Variants in PLEKHA6 observed in about 807,000 individuals in gnomAD.
The protein encoded by PLEKHA6 is pleckstrin homology domain containing A6.
PLEKHA6 carries 60 observed loss-of-function variants against 116.7 expected under a neutral mutation model. The observed-to-expected ratio is 0.51, with a 90% CI of 0.42 to 0.64. The LOEUF (loss-of-function observed/expected upper bound fraction) is 0.64, where lower values mean the gene tolerates loss of function less well. PLEKHA6 is among the 30% of genes least tolerant of loss of function. The probability of loss-of-function intolerance (pLI) is 0.00; values close to 1 mark genes in which losing one functional copy is unlikely to be tolerated. For missense variants in PLEKHA6, 1,338 were observed against 1,422.7 expected (o/e 0.94, Z 0.96); for synonymous variants, 489 against 556.1 (o/e 0.88, Z 1.70).
At chr1:204,364,579 G>T (rs1398529361), upstream of PLEKHA6, among the ~76,000 whole-genome samples, 1 of 152,210 alleles carries the variant, frequency 6.6e-6, no homozygotes, top group Non-Finnish European at 1.5e-5. Context: ...TAGAGTGGCG[G>T]CTGCTGCTAT....
chr1:204,302,578 C>T (rs1379947418), intron 1 of PLEKHA6, among the ~76,000 whole-genome samples: 1 of 152,184 alleles, frequency 6.6e-6, no homozygotes, highest in East Asian at 1.9e-4. Flanking sequence ...CAGAGGTGGG[C>T]TAAGAAAACC....
intron 1 of PLEKHA6, among the ~76,000 whole-genome samples, chr1:204,347,576 G>T: frequency 6.6e-6 from 1 of 151,596 alleles, no homozygotes; most frequent in Non-Finnish European, 1.5e-5. Context: ...AATCACAAGG[G>T]TATTGATTGG....
At chr1:204,252,083 C>T (rs781016412) in intron 9 of PLEKHA6, among the ~76,000 whole-genome samples, 1 of 151,534 alleles carries the variant, frequency 6.6e-6, no homozygotes, top group Non-Finnish European at 1.5e-5. Flanking sequence ...AGGCCTGCCC[C>T]CTCTCCCTGC....
rs148050928 is a variant in PLEKHA6, at chr1:204,312,380, A to T, written c.-94-37571T>A. On this transcript the variant is annotated intron_variant, in intron 1 of 22. Coordinates refer to ENST00000272203, the MANE Select transcript of PLEKHA6 (RefSeq NM_014935.5). ...TTCAGGCCTTCCTGGGATGGAGGAA[A>T]CAAGAGCAAAACCATTCAAAGCATC... Among the ~76,000 whole-genome samples the T allele has an allele frequency of 6.8e-3, 1,042 of 152,312 alleles. 9 individuals carry two copies. The highest frequency in any genetic ancestry group is 0.011 in the Non-Finnish European group (726 of 68,022).
chr1:204,239,292 A>G (rs1662479553), intron 17 of PLEKHA6, among the ~76,000 whole-genome samples: 2 of 152,212 alleles, frequency 1.3e-5, no homozygotes, highest in South Asian at 4.1e-4. Flanking sequence ...TGTCCTGGCT[A>G]TGGCCACTGC....
At chr1:204,267,662 G>A (rs951235901) in intron 4 of PLEKHA6, 115 bp from the exon 5 acceptor site, 35 of 860,372 alleles carry the variant, frequency 4.1e-5, no homozygotes, top group Middle Eastern at 2.4e-4. Context: ...CCCTAGCTGC[G>A]GCTCTGCTGT....
At chr1:204,268,613 T>C (rs1289477827) in intron 3 of PLEKHA6, among the ~76,000 whole-genome samples, 1 of 150,186 alleles carries the variant, frequency 6.7e-6, no homozygotes, top group African/African-American at 2.5e-5. Flanking sequence ...AATAATAAGA[T>C]TTCCAATTTC....
At chr1:204,293,836 T>C (rs1670007643) in intron 1 of PLEKHA6, among the ~76,000 whole-genome samples, 4 of 152,324 alleles carry the variant, frequency 2.6e-5, no homozygotes, top group Admixed American at 2.0e-4. Context: ...GAGAGGATCC[T>C]GTGCTCTTTA....
chr1:204,326,905 T>C (rs1672261211), intron 1 of PLEKHA6: 1 of 787,782 alleles, frequency 1.3e-6, no homozygotes, highest in African/African-American at 1.9e-5. Flanking sequence ...CCAAATAGGG[T>C]GAGGAACTGC....
chr1:204,291,656 A>T (rs1405109474), intron 1 of PLEKHA6, among the ~76,000 whole-genome samples: 1 of 152,242 alleles, frequency 6.6e-6, no homozygotes, highest in African/African-American at 2.4e-5. Flanking sequence ...TATATGGAAT[A>T]AAAGGAGCCA....
At chr1:204,341,877 C>T (rs1157104488) in intron 1 of PLEKHA6, among the ~76,000 whole-genome samples, 3 of 152,106 alleles carry the variant, frequency 2.0e-5, no homozygotes, top group Non-Finnish European at 4.4e-5. Flanking sequence ...AACATAAGTA[C>T]AATCTATATT....
chr1:204,247,252 T>C, intron 13 of PLEKHA6, 113 bp downstream of exon 13: 2 of 646,472 alleles, frequency 3.1e-6, no homozygotes, highest in Non-Finnish European at 5.5e-6. Context: ...ATTATCTTCA[T>C]CCTGAAACTT....
At chr1:204,334,136 A>G (rs1336421432) in intron 1 of PLEKHA6, among the ~76,000 whole-genome samples, 2 of 152,218 alleles carry the variant, frequency 1.3e-5, no homozygotes, top group African/African-American at 4.8e-5. Context: ...CAGTAAGGAC[A>G]GATATGCTTC....
At chr1:204,236,009 G>A (rs1203482943) in intron 17 of PLEKHA6, among the ~76,000 whole-genome samples, 1 of 152,228 alleles carries the variant, frequency 6.6e-6, no homozygotes, top group African/African-American at 2.4e-5. Flanking sequence ...GGCCCCTAGA[G>A]GTGAGGTTGA....
At chr1:204,374,383 G>A (rs991241826) in intron 1 of PLEKHA6, among the ~76,000 whole-genome samples, 1 of 152,168 alleles carries the variant, frequency 6.6e-6, no homozygotes, top group African/African-American at 2.4e-5. Context: ...TCCCAGGGCT[G>A]CCTCTGCTAC....
intron 2 of PLEKHA6, among the ~76,000 whole-genome samples, chr1:204,371,053 C>CAAAAAAAAAAAAA (rs34493461): frequency 5.0e-4 from 34 of 68,478 alleles, no homozygotes; most frequent in African/African-American, 2.0e-3. Flanking sequence ...GACTCTGCCT[C>CAAAAAAAAAAAAA]AAAAAAAAAA....
intron 21 of PLEKHA6, among the ~76,000 whole-genome samples, chr1:204,226,355 G>C (rs1165474861): frequency 6.6e-6 from 1 of 152,226 alleles, no homozygotes; most frequent in African/African-American, 2.4e-5. Context: ...GATAGGCCGG[G>C]TGGGTTTTGT....
chr1:204,241,929 G>C, intron 15 of PLEKHA6, 115 bp from the exon 16 acceptor site: 1 of 1,178,922 alleles, frequency 8.5e-7, no homozygotes, highest in Admixed American at 1.9e-5. Flanking sequence ...CAGATACAAG[G>C]AACAAGGAAA....
At chr1:204,253,335 C>A (rs55757183) in intron 9 of PLEKHA6, among the ~76,000 whole-genome samples, 3,890 of 151,588 alleles carry the variant, frequency 0.026, 115 homozygotes, top group African/African-American at 0.08. Flanking sequence ...AAAAAAAAAA[C>A]AAACTTCCTT....
Sources: gnomAD v4.1 joint callset for allele counts (sites outside exome capture counted in the v4.1 genomes callset) on GRCh38, gnomAD v4.1.1 for gene constraint, MANE v1.5 for transcripts, NCBI Gene and HGNC (gene_info 2026-07-23, HGNC 2026-07-21) for gene names.